UMAD1: variants seen among roughly 807,000 people sequenced by gnomAD.
UMAD1 encodes the protein UBAP1-MVB12-associated (UMA) domain containing 1.
UMAD1 carries 8 observed loss-of-function variants against 6.1 expected under a neutral mutation model. That is an observed-to-expected ratio of 1.30 (90% CI 0.76 to 2.35). UMAD1 has a LOEUF of 2.35. Among genes scored for constraint, UMAD1 ranks in the 30% most tolerant of loss-of-function variants. UMAD1 has a pLI of 0.00. For missense variants in UMAD1, 130 were observed against 78.4 expected, an observed-to-expected ratio of 1.66 and a Z score of -2.49; for synonymous variants, 56 against 31.4, an observed-to-expected ratio of 1.78 and a Z score of -2.61.
At chr7:7,784,885 C>G (rs796499800) in intron 2 of UMAD1, among the ~76,000 whole-genome samples, 10 of 151,438 alleles carry the variant, frequency 6.6e-5, no homozygotes, top group African/African-American at 2.4e-4. Context: ...GCCTCAGCCT[C>G]CCGAGTAGCT....
At chr7:7,799,629 T>C (rs1782759598) in intron 2 of UMAD1, among the ~76,000 whole-genome samples, 1 of 152,228 alleles carries the variant, frequency 6.6e-6, no homozygotes, top group African/African-American at 2.4e-5. Flanking sequence ...AGAAACATCG[T>C]GCATGTGCAT....
Position 7,758,388 on chromosome 7 carries a change from A to T in UMAD1, c.83-43282A>T, listed in dbSNP as rs1007563207. Reference sequence around the variant, plus strand: ...TATAGCGAAGATCTTAAGAAAGTGTAAAAGCTGTTTTTACCCATCTTTTTA... The same window carrying T: ...TATAGCGAAGATCTTAAGAAAGTGTTAAAGCTGTTTTTACCCATCTTTTTA... On this transcript the variant is annotated intron_variant, in intron 2 of 3. Coordinates refer to ENST00000682710, the MANE Select transcript of UMAD1 (RefSeq NM_001302348.2). Among the ~76,000 whole-genome samples the T allele has an allele frequency of 3.3e-5, 5 of 152,144 alleles. No homozygotes were observed. The East Asian group carries it at 9.6e-4, about 29-fold the overall frequency.
chr7:7,768,999 G>A (rs1274221329), intron 2 of UMAD1, among the ~76,000 whole-genome samples: 1 of 152,170 alleles, frequency 6.6e-6, no homozygotes, highest in African/African-American at 2.4e-5. Context: ...GCTAGAATGA[G>A]TGGTGACTAA....
intron 2 of UMAD1, among the ~76,000 whole-genome samples, chr7:7,726,430 A>G (rs1781138880): frequency 6.6e-6 from 1 of 152,236 alleles, no homozygotes; most frequent in South Asian, 2.1e-4. Flanking sequence ...GAATAATGGA[A>G]TGGCCTTTTG....
At chr7:7,834,351 A>G (rs1216135065) in intron 3 of UMAD1, among the ~76,000 whole-genome samples, 2 of 152,070 alleles carry the variant, frequency 1.3e-5, no homozygotes, top group Non-Finnish European at 2.9e-5. Flanking sequence ...ATAACCTGAT[A>G]TGATCTGTCA....
At chr7:7,823,330 G>C (rs1345404033) in intron 3 of UMAD1, among the ~76,000 whole-genome samples, 1 of 152,106 alleles carries the variant, frequency 6.6e-6, no homozygotes, top group Admixed American at 6.6e-5. Context: ...AGTTAAATTT[G>C]TGTTTCAGAT....
intron 3 of UMAD1, among the ~76,000 whole-genome samples, chr7:7,828,511 C>T (rs1028896533): frequency 2.0e-5 from 3 of 152,164 alleles, no homozygotes; most frequent in East Asian, 1.9e-4. Flanking sequence ...CTTCTCAGAG[C>T]CCCTGGTCCC....
In UMAD1 at chr7:7,877,484, A is replaced by T. The variant is rs974135952; in HGVS notation, c.360A>T (p.Leu120Phe). The change falls in exon 4 of 4, where the codon TTA (leucine) becomes TTT (phenylalanine). Residue 120 changes from leucine (L) to phenylalanine (F), a missense_variant. Transcript: ENST00000682710. ...TCTCCTATGATGGCAGCGAAAACTT[A>T]TCACGGTTTTGGTATGATTTCACTC... ...HLLSYDGSEN[L>F]SRFWYDFTLE... 1.8e-5 allele frequency: 13 copies of T among 717,466 alleles called. No homozygotes were observed. Among genetic ancestry groups the T allele is most frequent in the Non-Finnish European group, 3.1e-5 (12 of 385,114 alleles). The allele number at this position is 717,466 out of a possible 1,614,324, so 44.4% of individuals were successfully genotyped here.
chr7:7,745,957 A>T (rs914691636), intron 2 of UMAD1, among the ~76,000 whole-genome samples: 1 of 151,898 alleles, frequency 6.6e-6, no homozygotes, highest in African/African-American at 2.4e-5. Flanking sequence ...TGCACCCTCA[A>T]ACTTCTGGGC....
intron 3 of UMAD1, among the ~76,000 whole-genome samples, chr7:7,866,118 A>G (rs920161849): frequency 8.5e-5 from 13 of 152,210 alleles, no homozygotes; most frequent in African/African-American, 2.9e-4. Context: ...AAAACAAAGA[A>G]ACAAATGCAG....
intron 3 of UMAD1, among the ~76,000 whole-genome samples, chr7:7,864,357 A>G (rs934035228): frequency 6.6e-6 from 1 of 152,116 alleles, no homozygotes; most frequent in Non-Finnish European, 1.5e-5. Flanking sequence ...AAGTAAGAAC[A>G]TTACTCACCC....
intron 3 of UMAD1, among the ~76,000 whole-genome samples, chr7:7,843,451 T>G (rs1783722676): frequency 6.6e-6 from 1 of 152,214 alleles, no homozygotes. Context: ...CTTAGAGAGC[T>G]TTGTGTACCT....
chr7:7,875,115 T>G (rs1316152822), intron 3 of UMAD1, among the ~76,000 whole-genome samples: 1 of 152,144 alleles, frequency 6.6e-6, no homozygotes, highest in African/African-American at 2.4e-5. Flanking sequence ...GTCTAAGAAT[T>G]TGTCAGCATT....
At chr7:7,648,718 G>C (rs186556369) in intron 1 of UMAD1, among the ~76,000 whole-genome samples, 4 of 152,064 alleles carry the variant, frequency 2.6e-5, no homozygotes, top group African/African-American at 9.6e-5. Context: ...GGCCATGGTG[G>C]TGTGTGTGCC....
intron 3 of UMAD1, among the ~76,000 whole-genome samples, chr7:7,875,234 A>T (rs1035788483): frequency 3.9e-5 from 6 of 152,242 alleles, no homozygotes; most frequent in Non-Finnish European, 8.8e-5. Context: ...CACGGGAGAA[A>T]GCAGGAAAGA....
At chr7:7,673,176 C>T (rs994259296) in intron 1 of UMAD1, 133 bp from the exon 2 acceptor site, 1 of 696,888 alleles carries the variant, frequency 1.4e-6, no homozygotes, top group South Asian at 1.6e-5. Flanking sequence ...AGAGAAGGCT[C>T]ATGGTTTTAC....
chr7:7,718,508 T>TA lies in UMAD1; in HGVS notation c.82+45056dup, dbSNP rs1158952735. ...TATGTATCCAACAAATTCAAACAGATACTTACAAAATTAAGACGATTGTAA... is the reference window on the plus strand; with the variant it reads ...TATGTATCCAACAAATTCAAACAGATAACTTACAAAATTAAGACGATTGTAA... On this transcript the variant is annotated intron_variant, in intron 2 of 3. Coordinates refer to ENST00000682710, the MANE Select transcript of UMAD1 (RefSeq NM_001302348.2). 5.9e-5 allele frequency: 9 copies of TA among 152,350 alleles called. 1 individual carries two copies. Among genetic ancestry groups the TA allele is most frequent in the African/African-American group, 2.2e-4 (9 of 41,590 alleles). The allele number at this position is 152,350 out of a possible 1,614,324, so 9.4% of individuals were successfully genotyped here. A position where few individuals can be genotyped will look rare whatever the true frequency, so the allele number is the denominator to read the frequency against.
At chr7:7,725,566 G>A (rs1442742996) in intron 2 of UMAD1, among the ~76,000 whole-genome samples, 2 of 152,132 alleles carry the variant, frequency 1.3e-5, no homozygotes, top group Non-Finnish European at 2.9e-5. Context: ...GAAACTGAAC[G>A]TTTGACTATG....
In UMAD1 at chr7:7,651,931, C is replaced by A. The variant is rs189588559; in HGVS notation, c.-64+11110C>A. On this transcript the variant is annotated intron_variant, in intron 1 of 3. Coordinates refer to ENST00000682710, the MANE Select transcript of UMAD1 (RefSeq NM_001302348.2). Reference sequence around the variant, plus strand: ...AGAGTCCTCCTTGGGCAGTTACACACCATTCAAACCACTGCCCTCCTGACT... The same window carrying A: ...AGAGTCCTCCTTGGGCAGTTACACAACATTCAAACCACTGCCCTCCTGACT... Among the ~76,000 whole-genome samples, 617 of 152,280 alleles carry A rather than the reference C, an allele frequency of 4.1e-3. 3 individuals carry two copies. The highest frequency in any genetic ancestry group is 5.6e-3 in the Admixed American group (85 of 15,294).
Sources: gnomAD v4.1 joint callset for allele counts (sites outside exome capture counted in the v4.1 genomes callset) on GRCh38, gnomAD v4.1.1 for gene constraint, MANE v1.5 for transcripts, NCBI Gene and HGNC (gene_info 2026-07-23, HGNC 2026-07-21) for gene names.